Variants in NFIA observed in about 807,000 individuals in gnomAD.
The protein encoded by NFIA is nuclear factor 1 A-type.
In NFIA, 8 loss-of-function variants were observed where a neutral mutation model predicts 62.8. The ratio of observed to expected loss-of-function variants is 0.13; its 90% CI spans 0.07 to 0.23. The LOEUF (loss-of-function observed/expected upper bound fraction) is 0.23, where lower values mean the gene tolerates loss of function less well. NFIA is among the 10% of genes least tolerant of loss of function. The pLI is 1.00. For missense variants in NFIA, 410 were observed against 642.1 expected, an observed-to-expected ratio of 0.64 and a Z score of 3.91; for synonymous variants, 235 against 238.1, an observed-to-expected ratio of 0.99 and a Z score of 0.12.
chr1:61,164,561 G>A (rs1024055565), intron 2 of NFIA, among the ~76,000 whole-genome samples: 6 of 152,062 alleles, frequency 3.9e-5, no homozygotes, highest in Non-Finnish European at 7.3e-5. Flanking sequence ...CTGGGTTCAC[G>A]CCATTCTCCT....
intron 3 of NFIA, among the ~76,000 whole-genome samples, chr1:61,315,604 A>C (rs1421850577): frequency 1.3e-5 from 2 of 152,214 alleles, no homozygotes; most frequent in African/African-American, 4.8e-5. Context: ...ATAAAGTATC[A>C]GAATGATTAG....
chr1:61,104,554 G>A (rs1646563515), intron 2 of NFIA, among the ~76,000 whole-genome samples: 1 of 151,922 alleles, frequency 6.6e-6, no homozygotes. Flanking sequence ...CTCTCTAAGG[G>A]AAACAGAACC....
intron 4 of NFIA, among the ~76,000 whole-genome samples, chr1:61,333,615 T>C (rs1661425271): frequency 6.6e-6 from 1 of 152,230 alleles, no homozygotes; most frequent in Non-Finnish European, 1.5e-5. Flanking sequence ...GTACATAAGT[T>C]AATCCTTGCA....
At chr1:61,260,816 A>G (rs1656721959) in intron 2 of NFIA, among the ~76,000 whole-genome samples, 1 of 152,088 alleles carries the variant, frequency 6.6e-6, no homozygotes, top group South Asian at 2.1e-4. Flanking sequence ...TCCTGACCTC[A>G]TGATCTGCCC....
At chr1:61,228,690 T>TA (rs35682507) in intron 2 of NFIA, among the ~76,000 whole-genome samples, 14,901 of 151,972 alleles carry the variant, frequency 0.098, 816 homozygotes, top group South Asian at 0.16. Flanking sequence ...CTGTATTTTT[T>TA]AAAAAAAATG....
chr1:61,190,445 T>C (rs1420781335), intron 2 of NFIA, among the ~76,000 whole-genome samples: 1 of 152,236 alleles, frequency 6.6e-6, no homozygotes, highest in Non-Finnish European at 1.5e-5. Flanking sequence ...GCTGTAAGAA[T>C]TGGGATTTAA....
At chr1:61,347,431 C>G (rs1467675365) in intron 4 of NFIA, among the ~76,000 whole-genome samples, 1 of 152,064 alleles carries the variant, frequency 6.6e-6, no homozygotes, top group African/African-American at 2.4e-5. Context: ...CCTCAGCCTC[C>G]CAAAGTGCTG....
At chr1:61,282,597 TG>T (rs1198803730) in intron 3 of NFIA, among the ~76,000 whole-genome samples, 1 of 152,180 alleles carries the variant, frequency 6.6e-6, no homozygotes, top group Non-Finnish European at 1.5e-5. Flanking sequence ...GGCACACTTC[TG>T]TAGGGCTGCA....
At chr1:61,447,806 C>T (rs1416182492) in intron 10 of NFIA, among the ~76,000 whole-genome samples, 1 of 152,140 alleles carries the variant, frequency 6.6e-6, no homozygotes, top group Non-Finnish European at 1.5e-5. Flanking sequence ...CCACGGGGGT[C>T]TCCGGCTCCC....
At chr1:61,345,456 T>C (rs1662175544) in intron 4 of NFIA, among the ~76,000 whole-genome samples, 1 of 152,162 alleles carries the variant, frequency 6.6e-6, no homozygotes, top group South Asian at 2.1e-4. Flanking sequence ...GGGAGAGTTA[T>C]TTAACCTCTT....
At chr1:61,377,857 A>G (rs547864850) in intron 6 of NFIA, among the ~76,000 whole-genome samples, 1 of 152,214 alleles carries the variant, frequency 6.6e-6, no homozygotes, top group African/African-American at 2.4e-5. Context: ...CAAAGTAAGC[A>G]CTAACACTGA....
intron 2 of NFIA, among the ~76,000 whole-genome samples, chr1:61,234,910 A>G (rs1228794443): frequency 6.6e-6 from 1 of 152,206 alleles, no homozygotes; most frequent in African/African-American, 2.4e-5. Context: ...TAAAAACACA[A>G]TAGCTGCGAT....
intron 2 of NFIA, among the ~76,000 whole-genome samples, chr1:61,132,513 A>T (rs1208465394): frequency 1.3e-5 from 2 of 152,228 alleles, no homozygotes; most frequent in African/African-American, 2.4e-5. Flanking sequence ...ATAAGTTCAG[A>T]TAACTTGGGA....
At chr1:61,127,020 C>T (rs539999697) in intron 2 of NFIA, among the ~76,000 whole-genome samples, 1 of 151,444 alleles carries the variant, frequency 6.6e-6, no homozygotes, top group East Asian at 2.0e-4. Context: ...CTCCTCCTGA[C>T]CTCAGGCAGT....
chr1:61,350,811 C>G lies in NFIA; in HGVS notation c.701-1639C>G, dbSNP rs189496807. Among the ~76,000 whole-genome samples, 60 of 152,336 alleles carry G rather than the reference C, an allele frequency of 3.9e-4. No individual in the cohort carries two copies. In the East Asian group the frequency reaches 9.1e-3, roughly 23 times the overall value. On this transcript the variant is annotated intron_variant, in intron 4 of 10. Transcript: ENST00000403491. ...CTACCTAGAAGTCCTCCATCCCTTT[C>G]AGTTGCATAATTCCTCCTTTCCTTT... is the stretch of plus-strand genomic sequence containing the variant.
At chr1:61,165,096 G>C (rs1264568899) in intron 2 of NFIA, among the ~76,000 whole-genome samples, 1 of 152,014 alleles carries the variant, frequency 6.6e-6, no homozygotes, top group South Asian at 2.1e-4. Context: ...TTTATTTCTT[G>C]GAAAAGTTTA....
chr1:61,341,224 C>G (rs535452986), intron 4 of NFIA, among the ~76,000 whole-genome samples: 4 of 151,822 alleles, frequency 2.6e-5, no homozygotes, highest in African/African-American at 9.7e-5. Flanking sequence ...CCACCGCGCC[C>G]GGCTAATTTT....
chr1:61,191,624 T>G (rs1651630489), intron 2 of NFIA, among the ~76,000 whole-genome samples: 1 of 152,174 alleles, frequency 6.6e-6, no homozygotes, highest in African/African-American at 2.4e-5. Context: ...CTTTGAGAAG[T>G]TGTTGTGATG....
Position 61,383,350 on chromosome 1 carries a change from A to G in NFIA, c.1060A>G (p.Ile354Val), listed in dbSNP as rs773009270. Residue 354 changes from isoleucine to valine, a missense_variant, in exon 7 of 11, where the codon ATT becomes GTT. Coordinates refer to ENST00000403491, the MANE Select transcript of NFIA (RefSeq NM_001134673.4). ...GTTCACACAGCATCACCGACCTGTCATTACAGGACCCAGAGGTGAGCTGCT... is the reference window on the plus strand; with the variant it reads ...GTTCACACAGCATCACCGACCTGTCGTTACAGGACCCAGAGGTGAGCTGCT... ...TAFTQHHRPV[I>V]TGPRASPHAT... The G allele has an allele frequency of 6.2e-7, 1 of 1,613,954 alleles. No homozygotes were observed. Among genetic ancestry groups the G allele is most frequent in the South Asian group, 1.1e-5 (1 of 91,078 alleles).
Sources: allele counts gnomAD v4.1 joint callset (sites outside exome capture counted in the v4.1 genomes callset), GRCh38; gene constraint gnomAD v4.1.1; transcripts MANE v1.5; gene names NCBI Gene and HGNC (gene_info 2026-07-23, HGNC 2026-07-21).